The following TARP variants were observed in gnomAD, a reference collection of about 807,000 sequenced individuals.
At chr7:38,266,716 G>A in the TARP span, among the ~76,000 whole-genome samples, 1 of 151,688 alleles carries the variant, frequency 6.6e-6, no homozygotes, top group Non-Finnish European at 1.5e-5. Flanking sequence ...TATACCATGA[G>A]CAGTCCCCCT....
the TARP span, among the ~76,000 whole-genome samples, chr7:38,268,051 G>C: frequency 6.6e-6 from 1 of 151,030 alleles, no homozygotes; most frequent in African/African-American, 2.4e-5. Context: ...TAGCATACTT[G>C]ATTACACATG....
At chr7:38,265,592 A>G in the TARP span, 3 of 1,612,172 alleles carry the variant, frequency 1.9e-6, no homozygotes, top group Admixed American at 5.0e-5. Flanking sequence ...AGACAAAGGT[A>G]TGTTCCAGCC....
At chr7:38,262,129 A>G in the TARP span, 1 of 1,571,956 alleles carries the variant, frequency 6.4e-7, no homozygotes, top group Non-Finnish European at 8.7e-7. Flanking sequence ...GAGAAGTTCA[A>G]AACAAAATGA....
At chr7:38,273,398 T>A in the TARP span, among the ~76,000 whole-genome samples, 1 of 151,186 alleles carries the variant, frequency 6.6e-6, no homozygotes, top group Non-Finnish European at 1.5e-5. Flanking sequence ...TGGTCTAAGC[T>A]CCTTAGTAAT....
chr7:38,266,739 A>T, the TARP span, among the ~76,000 whole-genome samples: 1 of 151,678 alleles, frequency 6.6e-6, no homozygotes, highest in Non-Finnish European at 1.5e-5. Flanking sequence ...TTAATATCTA[A>T]CTTTATATAA....
the TARP span, among the ~76,000 whole-genome samples, chr7:38,269,314 A>C: frequency 3.1e-4 from 47 of 150,684 alleles, no homozygotes; most frequent in African/African-American, 5.6e-4. Context: ...ATATCTGTGC[A>C]ATGTTATCTA....
At chr7:38,260,342 A>G in the TARP span, 1 of 757,942 alleles carries the variant, frequency 1.3e-6, no homozygotes, top group Admixed American at 2.2e-5. Context: ...CACCACCACC[A>G]AAACCTAAAA....
the TARP span, among the ~76,000 whole-genome samples, chr7:38,262,583 GC>G: frequency 1.3e-5 from 2 of 151,560 alleles, no homozygotes; most frequent in Non-Finnish European, 2.9e-5. Context: ...ACAAATGGCT[GC>G]TTTACAGCCT....
chr7:38,261,925 CT>C, the TARP span, among the ~76,000 whole-genome samples: 3 of 148,786 alleles, frequency 2.0e-5, no homozygotes, highest in Non-Finnish European at 3.0e-5. Context: ...TGAATAAAAT[CT>C]TTTTTTTGAA....
the TARP span, chr7:38,273,579 A>G: frequency 6.3e-7 from 1 of 1,597,022 alleles, no homozygotes; most frequent in Non-Finnish European, 8.5e-7. Context: ...AATTTAAAGA[A>G]AACTTACCTG....
chr7:38,265,681 A>G, the TARP span: 5 of 1,563,296 alleles, frequency 3.2e-6, no homozygotes, highest in Non-Finnish European at 3.5e-6. Flanking sequence ...TTGTTTATCT[A>G]TGGGGAGAAA....
chr7:38,271,254 C>A, the TARP span, among the ~76,000 whole-genome samples: 1 of 151,352 alleles, frequency 6.6e-6, no homozygotes, highest in Non-Finnish European at 1.5e-5. Flanking sequence ...AGGTCAAGCT[C>A]AAATAAGACA....
chr7:38,265,040 C>T, the TARP span, among the ~76,000 whole-genome samples: 4 of 151,254 alleles, frequency 2.6e-5, no homozygotes, highest in Middle Eastern at 6.8e-3. Flanking sequence ...CCACGTGTCA[C>T]GTTGCTAGAT....
chr7:38,272,167 G>C, the TARP span, among the ~76,000 whole-genome samples: 3 of 151,034 alleles, frequency 2.0e-5, no homozygotes, highest in East Asian at 5.8e-4. Context: ...GTTCTGAAGT[G>C]AGCTGCTGAA....
chr7:38,262,025 A>G, the TARP span: 1 of 718,680 alleles, frequency 1.4e-6, no homozygotes, highest in South Asian at 1.7e-5. Context: ...TTGTTAATAC[A>G]ACTCCTAGAA....
the TARP span, among the ~76,000 whole-genome samples, chr7:38,273,268 C>G: frequency 6.8e-6 from 1 of 146,908 alleles, no homozygotes; most frequent in East Asian, 2.0e-4. Context: ...TTAATTTTTT[C>G]CATTGGTTAT....
At chr7:38,262,479 A>C in the TARP span, among the ~76,000 whole-genome samples, 1 of 151,500 alleles carries the variant, frequency 6.6e-6, no homozygotes, top group African/African-American at 2.4e-5. Flanking sequence ...ATCCAAGAGC[A>C]TTTACTTTTC....
the TARP span, among the ~76,000 whole-genome samples, chr7:38,264,760 C>A: frequency 5.9e-5 from 9 of 151,700 alleles, no homozygotes; most frequent in Non-Finnish European, 1.0e-4. Flanking sequence ...TAAGACTACC[C>A]TCAAGCTTTG....
the TARP span, among the ~76,000 whole-genome samples, chr7:38,261,915 T>A: frequency 6.1e-5 from 9 of 147,764 alleles, no homozygotes; most frequent in Admixed American, 5.4e-4. Context: ...GACACATGAA[T>A]GAATAAAATC....
Sources: allele counts gnomAD v4.1 joint callset (sites outside exome capture counted in the v4.1 genomes callset), GRCh38; gene constraint gnomAD v4.1.1; transcripts MANE v1.5.